Variants in SIPA1L1 observed in about 807,000 individuals in gnomAD.
SIPA1L1 encodes the protein signal induced proliferation associated 1 like 1.
In SIPA1L1, 26 loss-of-function variants were observed where a neutral mutation model predicts 162.7. The observed-to-expected ratio is 0.16, with a 90% CI of 0.12 to 0.22. The LOEUF is 0.22. Ranked by LOEUF, SIPA1L1 falls within the 10% of genes least tolerant of loss-of-function variation. The pLI is 1.00. For synonymous variants in SIPA1L1, 829 were observed against 837.4 expected (o/e 0.99, Z 0.17); for missense variants, 1,874 against 2,241.0 (o/e 0.84, Z 3.31).
chr14:71,542,704 C>CCCTCCTCCTCCT (rs147003051), intron 4 of SIPA1L1, among the ~76,000 whole-genome samples: 2 of 105,864 alleles, frequency 1.9e-5, no homozygotes, highest in African/African-American at 3.8e-5. Context: ...TTCTCCTCCT[C>CCCTCCTCCTCCT]CCTCCTCCTC....
intron 8 of SIPA1L1, among the ~76,000 whole-genome samples, chr14:71,654,619 A>T (rs1335042245): frequency 6.6e-6 from 1 of 152,198 alleles, no homozygotes; most frequent in African/African-American, 2.4e-5. Context: ...CTTAAAAGAG[A>T]TATAAGACTT....
At chr14:71,602,424 C>T (rs1040675524) in intron 5 of SIPA1L1, among the ~76,000 whole-genome samples, 4 of 152,068 alleles carry the variant, frequency 2.6e-5, no homozygotes, top group Non-Finnish European at 4.4e-5. Context: ...TCAGGAGATA[C>T]TTGATATTAT....
At chr14:71,509,635 T>C (rs2050952931) in intron 2 of SIPA1L1, among the ~76,000 whole-genome samples, 1 of 151,014 alleles carries the variant, frequency 6.6e-6, no homozygotes, top group Admixed American at 6.6e-5. Context: ...TCCCAGCTAC[T>C]AGGGAGGCTG....
chr14:71,671,724 G>A, intron 11 of SIPA1L1, 32 bp downstream of exon 11: 1 of 1,501,294 alleles, frequency 6.7e-7, no homozygotes, highest in Non-Finnish European at 9.0e-7. Context: ...CTTACATGCA[G>A]TTTCTCTTTC....
At chr14:71,526,657 G>A (rs1395215192) in intron 3 of SIPA1L1, among the ~76,000 whole-genome samples, 1 of 152,094 alleles carries the variant, frequency 6.6e-6, no homozygotes, top group Non-Finnish European at 1.5e-5. Context: ...GCAGGTTTGA[G>A]CAGATGTGAC....
chr14:71,732,784 A>G (rs1226168843), intron 20 of SIPA1L1, among the ~76,000 whole-genome samples: 1 of 152,134 alleles, frequency 6.6e-6, no homozygotes, highest in South Asian at 2.1e-4. Flanking sequence ...GTAACCCAGC[A>G]CACTCACATC....
At chr14:71,358,587 C>T (rs1483896730) in intron 2 of SIPA1L1, among the ~76,000 whole-genome samples, 2 of 152,218 alleles carry the variant, frequency 1.3e-5, no homozygotes, top group African/African-American at 2.4e-5. Context: ...TCCATTCATT[C>T]CTGAATCCCT....
At position 71,700,949 on chromosome 14, in the gene SIPA1L1, T is replaced by G. The variant is rs1034397072; in HGVS notation, c.3522-1432T>G. Among the ~76,000 whole-genome samples, 12 of 125,456 alleles carry G rather than the reference T, an allele frequency of 9.6e-5. No individual in the cohort carries two copies. In the East Asian group the frequency reaches 1.8e-3, roughly 19 times the overall value. The allele number at this position is 125,456 out of a possible 152,430, so 82.3% of individuals were successfully genotyped here. The stretch of plus-strand genomic sequence containing the variant: ...GCGGAGCTTGCAGTGAGCCCGAGAT[T>G]GCGCCACTGCACTCCAGCCTAGGGG... On this transcript the variant is annotated intron_variant, in intron 14 of 23. Coordinates refer to ENST00000381232, the MANE Select transcript of SIPA1L1 (RefSeq NM_001386936.1).
chr14:71,566,042 C>G (rs145150134), intron 4 of SIPA1L1, among the ~76,000 whole-genome samples: 389 of 151,906 alleles, frequency 2.6e-3, no homozygotes, highest in Non-Finnish European at 4.6e-3. Flanking sequence ...ACATGAGTGT[C>G]TAACTAGGGA....
intron 2 of SIPA1L1, among the ~76,000 whole-genome samples, chr14:71,414,466 G>A (rs1345569415): frequency 6.6e-6 from 1 of 152,210 alleles, no homozygotes; most frequent in African/African-American, 2.4e-5. Context: ...GATATTTTCT[G>A]CCCACTGGCT....
At chr14:71,628,865 C>T (rs2040294736) in intron 7 of SIPA1L1, among the ~76,000 whole-genome samples, 1 of 152,184 alleles carries the variant, frequency 6.6e-6, no homozygotes, top group South Asian at 2.1e-4. Context: ...GACAGAAGCA[C>T]ACAGTGCGTT....
intron 2 of SIPA1L1, among the ~76,000 whole-genome samples, chr14:71,466,733 T>G (rs2047029938): frequency 6.6e-6 from 1 of 152,222 alleles, no homozygotes; most frequent in Admixed American, 6.5e-5. Context: ...TTATTGTGTT[T>G]AGGGTTTGCC....
Position 71,618,814 on chromosome 14 carries a change from G to A in SIPA1L1, c.1556G>A (p.Arg519Gln), listed in dbSNP as rs2039103474. ...ENLGPVAVSI[R>Q]REKPDEMKEN... is the part of the protein sequence containing the mutation. ...CTTGGTCCAGTGGCTGTGAGCATTC[G>A]AAGGGAAAAACCAGATGAAATGAAA... is the stretch of plus-strand genomic sequence containing the variant. Residue 519 changes from arginine (R) to glutamine (Q), a missense_variant, in exon 6 of 24, where the codon CGA (arginine) becomes CAA (glutamine). By Grantham distance (43) the Arg-to-Gln change is conservative. Coordinates refer to ENST00000381232, the MANE Select transcript of SIPA1L1 (RefSeq NM_001386936.1). 2.5e-6 allele frequency: 4 copies of A among 1,613,976 alleles called. No homozygotes were observed. The highest frequency in any genetic ancestry group is 1.1e-5 in the South Asian group (1 of 91,064).
intron 7 of SIPA1L1, among the ~76,000 whole-genome samples, chr14:71,646,675 T>A (rs1268649872): frequency 6.6e-6 from 1 of 152,182 alleles, no homozygotes; most frequent in Non-Finnish European, 1.5e-5. Flanking sequence ...GTACAAACAT[T>A]TATTGAGTGC....
chr14:71,337,412 A>T (rs2035208142), intron 2 of SIPA1L1, among the ~76,000 whole-genome samples: 1 of 152,218 alleles, frequency 6.6e-6, no homozygotes, highest in Non-Finnish European at 1.5e-5. Context: ...TTTATAAAGG[A>T]AAGAGGCTTA....
At chr14:71,720,717 C>T (rs1008288089) in intron 17 of SIPA1L1, among the ~76,000 whole-genome samples, 3 of 151,930 alleles carry the variant, frequency 2.0e-5, no homozygotes, top group South Asian at 2.1e-4. Flanking sequence ...TGATCAATTC[C>T]GCTGTTGAGA....
At chr14:71,448,784 C>G (rs925696963) in intron 2 of SIPA1L1, 1 of 152,096 alleles carries the variant, frequency 6.6e-6, no homozygotes, top group Non-Finnish European at 1.5e-5. Context: ...GTGCTCTATG[C>G]CAATTGAGTG....
At chr14:71,562,576 TG>T (rs1233577243) in intron 4 of SIPA1L1, among the ~76,000 whole-genome samples, 1 of 152,240 alleles carries the variant, frequency 6.6e-6, no homozygotes. Context: ...TTCAGTAACT[TG>T]CATGTTAAGA....
chr14:71,639,182 G>C (rs1174242107), intron 7 of SIPA1L1, among the ~76,000 whole-genome samples: 1 of 152,212 alleles, frequency 6.6e-6, no homozygotes, highest in Non-Finnish European at 1.5e-5. Flanking sequence ...CAAGGAAGGA[G>C]GATTGCTTGA....
Sources: gnomAD v4.1 joint callset for allele counts (sites outside exome capture counted in the v4.1 genomes callset) on GRCh38, gnomAD v4.1.1 for gene constraint, MANE v1.5 for transcripts, NCBI Gene and HGNC (gene_info 2026-07-23, HGNC 2026-07-21) for gene names.